BCL9L: variants seen among roughly 807,000 people sequenced by gnomAD.
BCL9L encodes the protein B-cell CLL/lymphoma 9-like protein.
A neutral mutation model predicts 99.4 loss-of-function variants in BCL9L; 19 were observed. The observed-to-expected ratio is 0.19, with a 90% CI of 0.13 to 0.28. BCL9L has a LOEUF of 0.28. Among genes scored for constraint, BCL9L ranks in the 10% least tolerant of loss-of-function variants. The probability of loss-of-function intolerance (pLI) is 1.00; values close to 1 mark genes in which losing one functional copy is unlikely to be tolerated. For synonymous variants in BCL9L, 900 were observed against 854.8 expected (o/e 1.05, Z -0.92); for missense variants, 2,023 against 2,101.6 (o/e 0.96, Z 0.73).
In BCL9L at chr11:118,908,279, C is replaced by T; in HGVS notation, c.403G>A (p.Glu135Lys). 1.3e-6 allele frequency: 2 copies of T among 1,549,842 alleles called. No individual in the cohort carries two copies. The highest frequency in any genetic ancestry group is 1.7e-6 in the Non-Finnish European group (2 of 1,147,022). ...REAGTPSLDS[E>K]AKEVAPRSKR... ...TGAGGAAATGGGGTACCTTTGGCCT[C>T]TGAATCCAGGGATGGGGTCCCAGCC... The change falls in exon 4 of 10, where the codon GAG becomes AAG. Residue 135 changes from glutamate to lysine, a missense_variant. Physicochemically the swap from Glu to Lys is moderately conservative, Grantham distance 56. Around this residue, in one of 3 missense-constraint regions of BCL9L, gnomAD observed 1,116 missense variants for 1,194.6 expected, o/e 0.93. Transcript: ENST00000683865.
At chr11:118,907,323 G>A (rs1940565030) in intron 5 of BCL9L, among the ~76,000 whole-genome samples, 160 bp downstream of exon 5, 2 of 152,202 alleles carry the variant, frequency 1.3e-5, no homozygotes, top group Admixed American at 6.5e-5. Context: ...AGGCAGAGGC[G>A]AGGCAGTTGC....
chr11:118,900,498 G>A lies in BCL9L; in HGVS notation c.3124+121C>T. On this transcript the variant is annotated intron_variant, in intron 8 of 9. Transcript: ENST00000683865. The surrounding 1 kb of genome is among the most constrained non-coding windows in gnomAD (Gnocchi z 5.3). Reference sequence around the variant, plus strand: ...TGTCATCATCTGCCCCATAAGCAGAGCCATCCACCTCTGGGCCCGTGGTAC... The same window carrying A: ...TGTCATCATCTGCCCCATAAGCAGAACCATCCACCTCTGGGCCCGTGGTAC... 6.9e-7 allele frequency: 1 copy of A among 1,449,088 alleles called. No homozygotes were observed. The highest frequency in any genetic ancestry group is 9.1e-7 in the Non-Finnish European group (1 of 1,103,092). 89.8% of individuals were successfully genotyped at this position (1,449,088 alleles called of 1,614,324 possible).
Position 118,901,910 on chromosome 11 carries a change from T to A in BCL9L, c.1833A>T (p.Val611=). ...PRFPGNQIQR[V]PGFGGMQSMP... Reference sequence around the variant, plus strand: ...TACTCTGCATGCCCCCAAACCCAGGTACCCGTTGTATCTGGTTGCCTGGGA... The same window carrying A: ...TACTCTGCATGCCCCCAAACCCAGGAACCCGTTGTATCTGGTTGCCTGGGA... Residue 611 remains valine, a synonymous_variant, in exon 8 of 10, where the codon GTA becomes GTT. Coordinates refer to ENST00000683865, the MANE Select transcript of BCL9L (RefSeq NM_001378213.1). The surrounding 1 kb of genome is among the most constrained non-coding windows in gnomAD (Gnocchi z 6.6). 1 of 1,613,652 alleles carries A rather than the reference T, an allele frequency of 6.2e-7. No individual in the cohort carries two copies. Among genetic ancestry groups the A allele is most frequent in the Non-Finnish European group, 8.5e-7 (1 of 1,179,784 alleles).
At chr11:118,910,234 A>C in intron 2 of BCL9L, 1 of 447,628 alleles carries the variant, frequency 2.2e-6, no homozygotes, top group Non-Finnish European at 4.1e-6. Context: ...AGTCTCCAGC[A>C]AGCCTCCGCC....
In BCL9L at chr11:118,898,312, C is replaced by CCCCCCCCCCCCCCCCCCCCCCCCAACCA; in HGVS notation, c.*102_*103insTGGTTGGGGGGGGGGGGGGGGGGGGGGG. On this transcript the variant is annotated 3_prime_UTR_variant, in exon 10 of 10. Transcript: ENST00000683865. ...TACACAAGCCCCCTCCCACCCCCTC[C>CCCCCCCCCCCCCCCCCCCCCCCCAACCA]ACCCCACCCCGCGACCCAGGCCATC... The CCCCCCCCCCCCCCCCCCCCCCCCAACCA allele has an allele frequency of 1.5e-6, 1 of 686,074 alleles. No individual in the cohort carries two copies. Among genetic ancestry groups the CCCCCCCCCCCCCCCCCCCCCCCCAACCA allele is most frequent in the Non-Finnish European group, 2.2e-6 (1 of 459,130 alleles). 42.5% of individuals were successfully genotyped at this position (686,074 alleles called of 1,614,324 possible).
At position 118,900,806 on chromosome 11, in the gene BCL9L, G is replaced by A. The variant is rs372655993; in HGVS notation, c.2937C>T (p.Leu979=). 2.3e-5 allele frequency: 37 copies of A among 1,613,946 alleles called. No homozygotes were observed. Among genetic ancestry groups the A allele is most frequent in the Admixed American group, 6.7e-5 (4 of 60,014 alleles). The change falls in exon 8 of 10, where the codon CTC becomes CTT. Residue 979 remains leucine, a synonymous_variant. Coordinates refer to ENST00000683865, the MANE Select transcript of BCL9L (RefSeq NM_001378213.1). This position sits in a 1 kb window ranked among gnomAD's most constrained non-coding sequence, Gnocchi z 5.3. ...GTGAACGGACACTGAGGGAGGAGCC[G>A]AGGACCTGGGGCGACTTGAGAGGTC... is the stretch of plus-strand genomic sequence containing the variant. The part of the protein sequence containing the change: ...PPGPLKSPQV[L]GSSLSVRSPT...
Position 118,901,728 on chromosome 11 carries a change from G to A in BCL9L, c.2015C>T (p.Pro672Leu). 5 of 1,613,514 alleles carry A rather than the reference G, an allele frequency of 3.1e-6. No individual in the cohort carries two copies. Among genetic ancestry groups the A allele is most frequent in the Non-Finnish European group, 4.2e-6 (5 of 1,179,808 alleles). ...GQGEAERFMT[P>L]RVREELLRHQ... Reference sequence around the variant, plus strand: ...CCGCAGCAGCTCCTCACGGACCCGGGGAGTCATGAATCGCTCCGCCTCACC... The same window carrying A: ...CCGCAGCAGCTCCTCACGGACCCGGAGAGTCATGAATCGCTCCGCCTCACC... Residue 672 changes from proline to leucine, a missense_variant, in exon 8 of 10, where the codon CCC becomes CTC. Coordinates refer to ENST00000683865, the MANE Select transcript of BCL9L (RefSeq NM_001378213.1). The surrounding 1 kb of genome is among the most constrained non-coding windows in gnomAD (Gnocchi z 6.6).
chr11:118,902,327 C>A lies in BCL9L; in HGVS notation c.1416G>T (p.Met472Ile). ...CCCCTAGGCTCTGTGTCTGTGAAAT[C>A]ATGGACTGCAAGGGTTCCTCATATT... The part of the protein sequence containing the change: ...LKKYEEPLQS[M>I]ISQTQSLGGP... Residue 472 changes from methionine (M) to isoleucine (I), a missense_variant, in exon 8 of 10, where the codon ATG becomes ATT. Physicochemically the swap from Met to Ile is conservative, Grantham distance 10 (BLOSUM62 1). Coordinates refer to ENST00000683865, the MANE Select transcript of BCL9L (RefSeq NM_001378213.1). This position sits in a 1 kb window ranked among gnomAD's most constrained non-coding sequence, Gnocchi z 7.8. 6.4e-7 allele frequency: 1 copy of A among 1,550,918 alleles called. No homozygotes were observed. The highest frequency in any genetic ancestry group is 1.2e-5 in the South Asian group (1 of 80,438).
Position 118,909,988 on chromosome 11 carries a change from A to T in BCL9L, c.-49T>A, listed in dbSNP as rs767801913. The stretch of plus-strand genomic sequence containing the variant: ...CGGCCCCTGTGCGTGCCCAGGGCCC[A>T]GCCAGGTACTCGGTACTGGAGCACG... On this transcript the variant is annotated 5_prime_UTR_variant, in exon 3 of 10. Coordinates refer to ENST00000683865, the MANE Select transcript of BCL9L (RefSeq NM_001378213.1). 9.3e-6 allele frequency: 15 copies of T among 1,613,306 alleles called. No homozygotes were observed. The highest frequency in any genetic ancestry group is 3.4e-6 in the Non-Finnish European group (4 of 1,179,644).
chr11:118,918,583 C>T (rs940770135), intron 2 of BCL9L, among the ~76,000 whole-genome samples: 1 of 151,932 alleles, frequency 6.6e-6, no homozygotes, highest in Non-Finnish European at 1.5e-5. Flanking sequence ...CCTCCCAGCC[C>T]GGCCCCACTC....
chr11:118,911,386 ACCC>A, intron 2 of BCL9L: 2 of 423,436 alleles, frequency 4.7e-6, no homozygotes, highest in Non-Finnish European at 9.7e-6. Flanking sequence ...CGGGAGTCTA[ACCC>A]CAACTTAACC....
chr11:118,899,076 A>G lies in BCL9L; in HGVS notation c.3839T>C (p.Leu1280Pro). The G allele has an allele frequency of 6.2e-7, 1 of 1,607,300 alleles. No homozygotes were observed. The highest frequency in any genetic ancestry group is 8.5e-7 in the Non-Finnish European group (1 of 1,177,340). ...GCGCCCAGCCATGGCTTTGCCCATC[A>G]GGTGCTGCTGGGGAGGCATGGGGCC... ...PPGPMPPQQH[L>P]MGKAMAGRMG... is the part of the protein sequence containing the mutation. The change falls in exon 10 of 10, where the codon CTG becomes CCG. Residue 1280 changes from leucine to proline, a missense_variant. By Grantham distance (98) the Leu-to-Pro change is moderately conservative. Transcript: ENST00000683865.
chr11:118,908,960 C>A (rs1372884946), intron 3 of BCL9L, among the ~76,000 whole-genome samples: 5 of 152,214 alleles, frequency 3.3e-5, no homozygotes. Flanking sequence ...AAACACCCAT[C>A]AGCCTGCAAG....
rs200628751 is a variant in BCL9L at position 118,900,770 on chromosome 11, C to T, written c.2973G>A (p.Ser991=). The change falls in exon 8 of 10, where the codon TCG becomes TCA. Residue 991 remains serine (S), a synonymous_variant. Coordinates refer to ENST00000683865, the MANE Select transcript of BCL9L (RefSeq NM_001378213.1). This position sits in a 1 kb window ranked among gnomAD's most constrained non-coding sequence, Gnocchi z 5.3. ...SSLSVRSPTG[S]PSRLKSPSMA... is the part of the protein sequence containing the mutation. ...TGGAAGGAGACTTGAGCCTGCTGGG[C>T]GAGCCAGTGGGTGAACGGACACTGA... The T allele has an allele frequency of 4.4e-6, 7 of 1,601,610 alleles. No individual in the cohort carries two copies. The highest frequency in any genetic ancestry group is 3.5e-5 in the Admixed American group (2 of 57,384).
At chr11:118,909,643 G>A (rs767239474) in intron 3 of BCL9L, among the ~76,000 whole-genome samples, 23 of 152,240 alleles carry the variant, frequency 1.5e-4, no homozygotes, top group African/African-American at 5.5e-4. Context: ...TTTAAGGAGG[G>A]AAGAACTAGA....
At chr11:118,907,240 T>C (rs1468638616) in intron 5 of BCL9L, among the ~76,000 whole-genome samples, 2 of 152,128 alleles carry the variant, frequency 1.3e-5, no homozygotes, top group Non-Finnish European at 2.9e-5. Context: ...GCAGGTGACG[T>C]GACCAAGAAG....
At chr11:118,916,007 T>C (rs1426694022) in intron 2 of BCL9L, among the ~76,000 whole-genome samples, 1 of 152,142 alleles carries the variant, frequency 6.6e-6, no homozygotes, top group African/African-American at 2.4e-5. Context: ...GTGTTCACAT[T>C]GGAACATCTG....
chr11:118,900,575 CGCCTGCCTGCCTGCCTGCCT>C lies in BCL9L; in HGVS notation c.3124+24_3124+43del. ...GCCCCAGCATGGACACACTGCTCAG[CGCCTGCCTGCCTGCCTGCCT>C]GCCTGCCTGCGCAATTGACTCACCC... On this transcript the variant is annotated intron_variant, in intron 8 of 9. Coordinates refer to ENST00000683865, the MANE Select transcript of BCL9L (RefSeq NM_001378213.1). This position sits in a 1 kb window ranked among gnomAD's most constrained non-coding sequence, Gnocchi z 5.3. 6.4e-7 allele frequency: 1 copy of C among 1,558,138 alleles called. No homozygotes were observed. The highest frequency in any genetic ancestry group is 8.7e-7 in the Non-Finnish European group (1 of 1,154,572).
At position 118,899,435 on chromosome 11, in the gene BCL9L, C is replaced by T. The variant is rs774822325; in HGVS notation, c.3480G>A (p.Leu1160=). 1 of 1,600,846 alleles carries T rather than the reference C, an allele frequency of 6.2e-7. No homozygotes were observed. Among genetic ancestry groups the T allele is most frequent in the South Asian group, 1.1e-5 (1 of 88,524 alleles). ...CATGGGACAGGGGCTGCTGGCCTGG[C>T]AGGTTCATGCCCATAGGGCTCTGGG... is the stretch of plus-strand genomic sequence containing the variant. ...AAAQSPMGMN[L]PGQQPLSHEP... The change falls in exon 10 of 10, where the codon CTG becomes CTA. Residue 1160 remains leucine (L), a synonymous_variant. Coordinates refer to ENST00000683865, the MANE Select transcript of BCL9L (RefSeq NM_001378213.1).
Sources: gnomAD v4.1 joint callset for allele counts (sites outside exome capture counted in the v4.1 genomes callset) on GRCh38, gnomAD v4.1.1 for gene constraint, gnomAD v4.1.1 regional missense constraint, Gnocchi (gnomAD v3.1) non-coding constraint, MANE v1.5 for transcripts, NCBI Gene and HGNC (gene_info 2026-07-23, HGNC 2026-07-21) for gene names.